RBFOX1: variants seen among roughly 807,000 people sequenced by gnomAD.
RBFOX1 encodes the protein RNA binding fox-1 homolog 1, also known as RNA binding protein fox-1 homolog 1.
Under a neutral mutation model 57.7 loss-of-function variants are expected in RBFOX1, and 8 were observed. The ratio of observed to expected loss-of-function variants is 0.14; its 90% CI spans 0.08 to 0.25. The LOEUF is 0.25. Among genes scored for constraint, RBFOX1 ranks in the 10% least tolerant of loss-of-function variants. The probability of loss-of-function intolerance (pLI) is 1.00; values close to 1 mark genes in which losing one functional copy is unlikely to be tolerated. For synonymous variants in RBFOX1, 326 were observed against 222.4 expected (o/e 1.47, Z -4.15); for missense variants, 611 against 548.5 (o/e 1.11, Z -1.14).
rs202073623 is a variant in RBFOX1 at position 5,380,174 on chromosome 16, C to T, written c.220-87042C>T. 2.4e-4 allele frequency among the ~76,000 whole-genome samples: 37 copies of T among 152,352 alleles called. No individual in the cohort carries two copies. The East Asian group carries it at 3.7e-3, about 15-fold the overall frequency. ...CAGAGGCTCTGATGACAGCATCCTC[C>T]GCCTGGCTCCACTTCCTGGCTGCTC... is the stretch of plus-strand genomic sequence containing the variant. On this transcript the variant is annotated intron_variant, in intron 1 of 2. Coordinates refer to the RBFOX1 transcript ENST00000585867.
intron 4 of RBFOX1, among the ~76,000 whole-genome samples, chr16:7,399,168 C>G (rs1455616107): frequency 1.3e-5 from 2 of 152,192 alleles, no homozygotes; most frequent in African/African-American, 2.4e-5. Flanking sequence ...CAATGTCGGG[C>G]CAGGTGCGGT....
At position 6,555,358 on chromosome 16, in the gene RBFOX1, T is replaced by C. The variant is rs192067874; in HGVS notation, c.-63-99245T>C. On this transcript the variant is annotated intron_variant, in intron 2 of 15. Coordinates refer to ENST00000550418, the MANE Select transcript of RBFOX1 (RefSeq NM_018723.4). Reference sequence around the variant, plus strand: ...GGTAATGCGAAAGCTTGATGAAATATGGGTTTGACCACACAGTAGTCAGAA... The same window carrying C: ...GGTAATGCGAAAGCTTGATGAAATACGGGTTTGACCACACAGTAGTCAGAA... Among the ~76,000 whole-genome samples the C allele has an allele frequency of 6.2e-4, 95 of 152,222 alleles. 1 individual carries two copies. Among genetic ancestry groups the C allele is most frequent in the Non-Finnish European group, 8.8e-5 (6 of 68,014 alleles).
chr16:5,253,350 C>T (rs567508922), intron 1 of RBFOX1, among the ~76,000 whole-genome samples: 1 of 152,236 alleles, frequency 6.6e-6, no homozygotes, highest in East Asian at 1.9e-4. Flanking sequence ...GGGAGTTTCA[C>T]CATGTTGGCC....
intron 1 of RBFOX1, among the ~76,000 whole-genome samples, chr16:6,133,107 G>A (rs928143945): frequency 1.3e-5 from 2 of 150,644 alleles, no homozygotes; most frequent in African/African-American, 4.9e-5. Context: ...TTTTAAAAAT[G>A]TCTTCTCTGG....
In RBFOX1 at chr16:6,648,768, A is replaced by G. The variant is rs557117405; in HGVS notation, c.-63-5835A>G. 2.6e-5 allele frequency among the ~76,000 whole-genome samples: 4 copies of G among 152,220 alleles called. No individual in the cohort carries two copies. The South Asian group carries it at 8.3e-4, about 32-fold the overall frequency. On this transcript the variant is annotated intron_variant, in intron 2 of 15. Transcript: ENST00000550418. The stretch of plus-strand genomic sequence containing the variant: ...ACAGAGAGCTGCTTTTTCTCACCTC[A>G]TTTCTCAATGGCATTTTCTACAGAA...
rs181414348 is a variant in RBFOX1, at chr16:6,505,643, C to G, written c.-63-148960C>G. On this transcript the variant is annotated intron_variant, in intron 2 of 15. Coordinates refer to ENST00000550418, the MANE Select transcript of RBFOX1 (RefSeq NM_018723.4). Reference sequence around the variant, plus strand: ...GGTATTGATTTAATCCTCAAGAACTCTACTCATTTAAATGGACAGAGAAAA... The same window carrying G: ...GGTATTGATTTAATCCTCAAGAACTGTACTCATTTAAATGGACAGAGAAAA... Among the ~76,000 whole-genome samples, 8 of 152,240 alleles carry G rather than the reference C, an allele frequency of 5.3e-5. No individual in the cohort carries two copies. In the East Asian group the frequency reaches 1.5e-3, roughly 29 times the overall value.
chr16:7,707,619 C>T (rs930012669), intron 14 of RBFOX1, among the ~76,000 whole-genome samples: 5 of 152,150 alleles, frequency 3.3e-5, no homozygotes, highest in Admixed American at 6.5e-5. Context: ...CAGCTGTTCC[C>T]TTCTCCAGAA....
At chr16:5,338,517 T>C (rs762645856) in intron 1 of RBFOX1, among the ~76,000 whole-genome samples, 11 of 152,248 alleles carry the variant, frequency 7.2e-5, no homozygotes, top group South Asian at 2.1e-4. Flanking sequence ...GGTAACCTTC[T>C]TGACAGATTT....
intron 1 of RBFOX1, among the ~76,000 whole-genome samples, chr16:5,379,737 C>G (rs1332210303): frequency 2.0e-5 from 3 of 152,216 alleles, no homozygotes; most frequent in African/African-American, 4.8e-5. Context: ...AGATGAGGCT[C>G]TTTATCTCCC....
chr16:6,688,879 C>G (rs144209340), intron 3 of RBFOX1, among the ~76,000 whole-genome samples: 1 of 152,130 alleles, frequency 6.6e-6, no homozygotes, highest in Non-Finnish European at 1.5e-5. Flanking sequence ...TGAGGGAGAA[C>G]ATGCAGTACT....
At chr16:7,328,614 G>A (rs897424572) in intron 4 of RBFOX1, 2 of 151,214 alleles carry the variant, frequency 1.3e-5, no homozygotes, top group African/African-American at 4.9e-5. Context: ...GGAAGGTGGA[G>A]ATAGATGGAA....
At chr16:7,311,769 G>T (rs1344408419) in intron 4 of RBFOX1, among the ~76,000 whole-genome samples, 1 of 152,294 alleles carries the variant, frequency 6.6e-6, no homozygotes, top group Non-Finnish European at 1.5e-5. Context: ...TCTATTTAGA[G>T]CCAGTTGGTA....
In RBFOX1 at chr16:5,610,339, G is replaced by A. The variant is rs1217452895; in HGVS notation, c.318+11378G>A. 4 of 152,358 alleles carry A rather than the reference G, an allele frequency of 2.6e-5. No homozygotes were observed. In the East Asian group the frequency reaches 7.7e-4, roughly 29 times the overall value. The allele number at this position is 152,358 out of a possible 1,614,324, so 9.4% of individuals were successfully genotyped here. A position where few individuals can be genotyped will look rare whatever the true frequency, so the allele number is the denominator to read the frequency against. On this transcript the variant is annotated intron_variant, in intron 3 of 19. Coordinates refer to the RBFOX1 transcript ENST00000641259. ...TTTATTCACATAGCTTCATGTGATT[G>A]TCAGAGTGTCTCACGGGGTTCTGTT...
intron 5 of RBFOX1, among the ~76,000 whole-genome samples, chr16:7,578,446 G>A (rs143143920): frequency 2.6e-5 from 4 of 152,272 alleles, no homozygotes; most frequent in African/African-American, 9.6e-5. Context: ...TGCGATTCAG[G>A]GTGTGTTAGG....
At chr16:6,852,821 G>C (rs911408081) in intron 3 of RBFOX1, among the ~76,000 whole-genome samples, 1 of 151,644 alleles carries the variant, frequency 6.6e-6, no homozygotes, top group African/African-American at 2.4e-5. Context: ...ATGCATACTG[G>C]AAACTGCTTT....
chr16:5,303,810 T>G (rs2063864131), intron 1 of RBFOX1, among the ~76,000 whole-genome samples: 1 of 152,066 alleles, frequency 6.6e-6, no homozygotes, highest in Non-Finnish European at 1.5e-5. Flanking sequence ...TGATTAAAAT[T>G]GAATTGCCCA....
intron 3 of RBFOX1, among the ~76,000 whole-genome samples, chr16:6,798,901 G>C (rs1177077182): frequency 6.6e-6 from 1 of 151,740 alleles, no homozygotes; most frequent in African/African-American, 2.4e-5. Context: ...GAGGTTTAGA[G>C]AAAAAAAATG....
chr16:5,955,450 T>C (rs1266904766), intron 4 of RBFOX1, among the ~76,000 whole-genome samples: 1 of 151,698 alleles, frequency 6.6e-6, no homozygotes, highest in Non-Finnish European at 1.5e-5. Context: ...AACTATACCC[T>C]TTTGGACATT....
chr16:6,724,240 A>C (rs1466951276), intron 3 of RBFOX1, among the ~76,000 whole-genome samples: 2 of 126,624 alleles, frequency 1.6e-5, no homozygotes, highest in Admixed American at 1.7e-4. Flanking sequence ...TTGGAGTTTC[A>C]CTCTTGTCAC....
Sources: allele counts gnomAD v4.1 joint callset (sites outside exome capture counted in the v4.1 genomes callset), GRCh38; gene constraint gnomAD v4.1.1; transcripts MANE v1.5; gene names NCBI Gene and HGNC (gene_info 2026-07-23, HGNC 2026-07-21).